ASAP1: variants seen among roughly 807,000 people sequenced by gnomAD.
The protein encoded by ASAP1 is arf-GAP with SH3 domain, ANK repeat and PH domain-containing protein 1.
In ASAP1, 43 loss-of-function variants were observed where a neutral mutation model predicts 145.2. That is an observed-to-expected ratio of 0.30 (90% CI 0.23 to 0.38). The LOEUF (loss-of-function observed/expected upper bound fraction) is 0.38. Among genes scored for constraint, ASAP1 ranks in the 10% least tolerant of loss-of-function variants. The pLI, the probability that ASAP1 is intolerant of heterozygous loss-of-function variation, is 1.00. For synonymous variants in ASAP1, 546 were observed against 515.5 expected, an observed-to-expected ratio of 1.06 and a Z score of -0.80; for missense variants, 1,018 against 1,355.3, an observed-to-expected ratio of 0.75 and a Z score of 3.91.
intron 3 of ASAP1, among the ~76,000 whole-genome samples, chr8:130,243,908 A>C (rs1203878615): frequency 6.6e-6 from 1 of 152,188 alleles, no homozygotes; most frequent in East Asian, 1.9e-4. Flanking sequence ...ATAGAATGTA[A>C]TCTCTCAAAG....
intron 24 of ASAP1, among the ~76,000 whole-genome samples, chr8:130,094,209 C>T (rs577602830): frequency 1.1e-4 from 16 of 152,132 alleles, no homozygotes; most frequent in Admixed American, 2.0e-4. Context: ...CTAGGTTTAT[C>T]GTTAAAAAAA....
At chr8:130,079,533 A>C (rs574891075) in intron 26 of ASAP1, among the ~76,000 whole-genome samples, 1 of 152,216 alleles carries the variant, frequency 6.6e-6, no homozygotes, top group African/African-American at 2.4e-5. Flanking sequence ...CAAATCTGCA[A>C]AAGGAGTCAA....
intron 27 of ASAP1, 37 bp from the exon 28 acceptor site, chr8:130,061,106 G>C (rs920734153): frequency 6.6e-7 from 1 of 1,517,840 alleles, no homozygotes; most frequent in African/African-American, 1.4e-5. Context: ...GTCATTGGTG[G>C]GAAGGGCTGC....
rs548512902 is a variant in ASAP1, at chr8:130,276,728, A to ACACACACT, written c.187-39735_187-39734insAGTGTGTG. On this transcript the variant is annotated intron_variant, in intron 3 of 29. Transcript: ENST00000518721. ...CACACACACACACACACACACACAC[A>ACACACACT]CTCTCTCTCTCTCTCTCTCTCTCTC... is the stretch of plus-strand genomic sequence containing the variant. 1.1e-3 allele frequency among the ~76,000 whole-genome samples: 94 copies of ACACACACT among 87,306 alleles called. 2 individuals carry two copies. The highest frequency in any genetic ancestry group is 3.5e-3 in the East Asian group (7 of 2,026). 57.3% of individuals were successfully genotyped at this position (87,306 alleles called of 152,430 possible). A position where few individuals can be genotyped will look rare whatever the true frequency, so the allele number is the denominator to read the frequency against.
intron 2 of ASAP1, among the ~76,000 whole-genome samples, chr8:130,399,876 A>G (rs1005537474): frequency 7.0e-6 from 1 of 143,384 alleles, no homozygotes; most frequent in Non-Finnish European, 1.5e-5. Context: ...GAGTAGTACA[A>G]TGGCGCAATC....
At chr8:130,069,553 T>C (rs1440375963) in intron 27 of ASAP1, 1 of 152,240 alleles carries the variant, frequency 6.6e-6, no homozygotes, top group Admixed American at 6.5e-5. Context: ...AGGTCTTTTT[T>C]TGCTGTTGTT....
chr8:130,250,980 T>C (rs1819161763), intron 3 of ASAP1, among the ~76,000 whole-genome samples: 1 of 152,232 alleles, frequency 6.6e-6, no homozygotes, highest in Admixed American at 6.5e-5. Context: ...TAAAGAAACA[T>C]GTTTAACTCT....
intron 25 of ASAP1, among the ~76,000 whole-genome samples, chr8:130,085,640 T>C (rs1264590642): frequency 6.8e-6 from 1 of 147,080 alleles, no homozygotes; most frequent in Non-Finnish European, 1.5e-5. Flanking sequence ...GAGGCTGAGA[T>C]GGGAGGATCA....
intron 2 of ASAP1, chr8:130,386,994 T>C (rs1409929163): frequency 6.6e-6 from 1 of 152,226 alleles, no homozygotes; most frequent in Non-Finnish European, 1.5e-5. Context: ...CTTGTGGCAC[T>C]ATGGTGACTC....
intron 24 of ASAP1, among the ~76,000 whole-genome samples, chr8:130,103,350 CACA>C: frequency 6.6e-6 from 1 of 152,034 alleles, no homozygotes; most frequent in East Asian, 1.9e-4. Context: ...TTCAAAAAAA[CACA>C]ACACTTGCTG....
chr8:130,430,839 A>C (rs965342071), intron 1 of ASAP1, among the ~76,000 whole-genome samples: 5 of 152,214 alleles, frequency 3.3e-5, no homozygotes, highest in African/African-American at 1.2e-4. Context: ...TCTCAAGCTC[A>C]GACCTAGAAA....
At chr8:130,336,793 A>G in intron 3 of ASAP1, among the ~76,000 whole-genome samples, 2 of 152,248 alleles carry the variant, frequency 1.3e-5, no homozygotes, top group East Asian at 3.8e-4. Context: ...ACGGTAAGCC[A>G]GATAGATGTC....
At position 130,262,419 on chromosome 8, in the gene ASAP1, AGAG is replaced by A. The variant is rs1565148912; in HGVS notation, c.187-25428_187-25426del. On this transcript the variant is annotated intron_variant, in intron 3 of 29. Transcript: ENST00000518721. ...AAAAAAAAAAAAAAAAAAAAAAAAG[AGAG>A]AGAGAGAGAGAGAGAGAGAGAGAGA... Among the ~76,000 whole-genome samples, 86 of 29,524 alleles carry A rather than the reference AGAG, an allele frequency of 2.9e-3. 5 individuals are homozygous for A. Among genetic ancestry groups the A allele is most frequent in the Admixed American group, 4.6e-3 (9 of 1,954 alleles). 19.4% of individuals were successfully genotyped at this position (29,524 alleles called of 152,430 possible).
intron 5 of ASAP1, among the ~76,000 whole-genome samples, chr8:130,213,185 G>T (rs1461719939): frequency 6.6e-6 from 1 of 152,164 alleles, no homozygotes; most frequent in Non-Finnish European, 1.5e-5. Flanking sequence ...AGAAACATTA[G>T]AGCCAAAGTT....
intron 3 of ASAP1, among the ~76,000 whole-genome samples, chr8:130,333,566 T>C (rs1824833851): frequency 6.6e-6 from 1 of 152,202 alleles, no homozygotes; most frequent in African/African-American, 2.4e-5. Flanking sequence ...ATCGTGCCAT[T>C]GCACTCCAGC....
At chr8:130,270,797 A>G (rs377318588) in intron 3 of ASAP1, among the ~76,000 whole-genome samples, 1 of 152,230 alleles carries the variant, frequency 6.6e-6, no homozygotes, top group Non-Finnish European at 1.5e-5. Context: ...ATTTTAGTCC[A>G]CTGTTTCTCT....
intron 15 of ASAP1, among the ~76,000 whole-genome samples, chr8:130,128,853 T>C (rs2097579139): frequency 6.6e-6 from 1 of 152,186 alleles, no homozygotes; most frequent in African/African-American, 2.4e-5. Flanking sequence ...TGGGTGACAT[T>C]GGATAAATGC....
At chr8:130,066,559 A>ATTCT (rs756294507) in intron 27 of ASAP1, among the ~76,000 whole-genome samples, 2 of 148,332 alleles carry the variant, frequency 1.3e-5, no homozygotes, top group Admixed American at 6.7e-5. Flanking sequence ...TTTCTTTCTC[A>ATTCT]TTCTTTCTTT....
At chr8:130,328,614 T>C (rs1824489648) in intron 3 of ASAP1, among the ~76,000 whole-genome samples, 1 of 149,886 alleles carries the variant, frequency 6.7e-6, no homozygotes, top group Admixed American at 6.6e-5. Context: ...AGTAGTTCTT[T>C]TTTTTTTTTT....
Sources: allele counts gnomAD v4.1 joint callset (sites outside exome capture counted in the v4.1 genomes callset), GRCh38; gene constraint gnomAD v4.1.1; transcripts MANE v1.5; gene names NCBI Gene and HGNC (gene_info 2026-07-23, HGNC 2026-07-21).